CNTN3: variants seen among roughly 807,000 people sequenced by gnomAD.
The protein encoded by CNTN3 is contactin-3.
A neutral mutation model predicts 119.1 loss-of-function variants in CNTN3; 60 were observed. The ratio of observed to expected loss-of-function variants is 0.50; its 90% confidence interval spans 0.41 to 0.62. CNTN3 has a LOEUF of 0.62. CNTN3 is among the 20% of genes least tolerant of loss of function. The pLI is 0.00. For synonymous variants in CNTN3, 450 were observed against 438.7 expected, an observed-to-expected ratio of 1.03 and a Z score of -0.32; for missense variants, 1,101 against 1,242.4, an observed-to-expected ratio of 0.89 and a Z score of 1.71.
chr3:74,490,374 G>GA (rs1702940502), intron 3 of CNTN3, among the ~76,000 whole-genome samples: 3 of 152,096 alleles, frequency 2.0e-5, no homozygotes, highest in African/African-American at 4.8e-5. Flanking sequence ...GTTTTTATAG[G>GA]AAAAAACACT....
At chr3:74,291,950 C>A (rs1023636424) in intron 19 of CNTN3, among the ~76,000 whole-genome samples, 1 of 152,112 alleles carries the variant, frequency 6.6e-6, no homozygotes, top group Non-Finnish European at 1.5e-5. Context: ...CCCCAGGAGG[C>A]TTTGTAAGCT....
chr3:74,360,351 CA>C (rs1290940725), intron 11 of CNTN3, among the ~76,000 whole-genome samples: 1 of 152,112 alleles, frequency 6.6e-6, no homozygotes, highest in Admixed American at 6.6e-5. Context: ...GCTCCCTGTA[CA>C]AAATGTGGCA....
chr3:74,609,710 T>G (rs777686061), intron 1 of CNTN3, among the ~76,000 whole-genome samples: 11 of 152,204 alleles, frequency 7.2e-5, no homozygotes, highest in Non-Finnish European at 1.0e-4. Context: ...GATCTTTGGT[T>G]ACATATGGCA....
chr3:74,534,835 A>G (rs1374405944), intron 1 of CNTN3, among the ~76,000 whole-genome samples: 2 of 151,924 alleles, frequency 1.3e-5, no homozygotes, highest in African/African-American at 4.8e-5. Context: ...CATTGACCAT[A>G]ATGGCAAAAA....
chr3:74,581,467 T>C (rs1704508625), intron 1 of CNTN3, among the ~76,000 whole-genome samples: 2 of 152,158 alleles, frequency 1.3e-5, no homozygotes, highest in South Asian at 4.1e-4. Context: ...CTAAGATAAA[T>C]TAAAGATAAT....
intron 19 of CNTN3, among the ~76,000 whole-genome samples, chr3:74,285,794 T>TATAG: frequency 2.5e-5 from 1 of 39,730 alleles, no homozygotes; most frequent in East Asian, 5.3e-4. Context: ...AGGGGAGATA[T>TATAG]ATATATATAT....
At chr3:74,364,684 A>T in intron 9 of CNTN3, 88 bp from the exon 10 acceptor site, 1 of 1,176,280 alleles carries the variant, frequency 8.5e-7, no homozygotes, top group East Asian at 2.4e-5. Flanking sequence ...TCACACAGAA[A>T]CTTTCTGCAT....
At position 74,285,452 on chromosome 3, in the gene CNTN3, T is replaced by C; in HGVS notation, c.2557A>G (p.Ser853Gly). Residue 853 changes from serine (S) to glycine (G), a missense_variant, in exon 20 of 23, where the codon AGT becomes GGT. Coordinates refer to ENST00000263665, the MANE Select transcript of CNTN3 (RefSeq NM_020872.3). ...TCATTTCCTGCCACTTTCATCTTAC[T>C]GGATGATTCCTCCTTTCCACCCCCA... ...WNGGGKEESS[S>G]KMKVAGNETS... 3.1e-6 allele frequency: 5 copies of C among 1,612,782 alleles called. No individual in the cohort carries two copies. Among genetic ancestry groups the C allele is most frequent in the Non-Finnish European group, 4.2e-6 (5 of 1,179,352 alleles).
intron 20 of CNTN3, 150 bp downstream of exon 20, chr3:74,285,155 A>G: frequency 1.3e-6 from 1 of 747,292 alleles, no homozygotes; most frequent in Non-Finnish European, 2.1e-6. Context: ...AGGGTTTTGG[A>G]GTTGGGTTTT....
chr3:74,328,897 C>T (rs1409746194), intron 13 of CNTN3, among the ~76,000 whole-genome samples: 3 of 152,122 alleles, frequency 2.0e-5, no homozygotes, highest in Non-Finnish European at 1.5e-5. Flanking sequence ...GGTACATTCT[C>T]TTAATAGTTA....
At chr3:74,530,029 A>C (rs1403555622) in intron 1 of CNTN3, among the ~76,000 whole-genome samples, 4 of 152,042 alleles carry the variant, frequency 2.6e-5, no homozygotes, top group Admixed American at 2.6e-4. Context: ...TCCTCACCTC[A>C]TAATCATGGA....
rs1388853490 is a variant in CNTN3, at chr3:74,541,395, T to C, written c.-80-20203A>G. On this transcript the variant is annotated intron_variant, in intron 1 of 22. Transcript: ENST00000263665. Reference sequence around the variant, plus strand: ...ACTGTGGTAGATTCAGTCAATGGACTACCACATAGCAGAAAGAATCAATGA... The same window carrying C: ...ACTGTGGTAGATTCAGTCAATGGACCACCACATAGCAGAAAGAATCAATGA... Among the ~76,000 whole-genome samples, 5 of 32,684 alleles carry C rather than the reference T, an allele frequency of 1.5e-4. No individual in the cohort carries two copies. In the Admixed American group the frequency reaches 2.2e-3, roughly 15 times the overall value. 21.4% of individuals were successfully genotyped at this position (32,684 alleles called of 152,430 possible).
intron 2 of CNTN3, among the ~76,000 whole-genome samples, chr3:74,513,756 G>C (rs914054198): frequency 1.3e-5 from 2 of 152,078 alleles, no homozygotes; most frequent in Non-Finnish European, 2.9e-5. Flanking sequence ...TGTCCTTGTA[G>C]TTAAGAGGAA....
In CNTN3 at chr3:74,580,011, CAG is replaced by C. The variant is rs542904392; in HGVS notation, c.-81+34378_-81+34379del. Among the ~76,000 whole-genome samples the C allele has an allele frequency of 2.0e-4, 31 of 152,066 alleles. No homozygotes were observed. The East Asian group carries it at 5.8e-3, about 28-fold the overall frequency. ...CCAATACTGCTGAAAGGGAAAGGAACAGAGAGGGAGAATGCAAAATCCAAGTG... is the reference window on the plus strand; with the variant it reads ...CCAATACTGCTGAAAGGGAAAGGAACAGAGGGAGAATGCAAAATCCAAGTG... On this transcript the variant is annotated intron_variant, in intron 1 of 22. Transcript: ENST00000263665.
chr3:74,278,169 T>G (rs192241744), intron 20 of CNTN3, among the ~76,000 whole-genome samples: 3 of 152,138 alleles, frequency 2.0e-5, no homozygotes, highest in Admixed American at 2.0e-4. Context: ...AGAATTAATA[T>G]TGTGAAAATG....
Position 74,577,781 on chromosome 3 carries a change from T to A in CNTN3, c.-81+36610A>T, listed in dbSNP as rs140613342. The stretch of plus-strand genomic sequence containing the variant: ...AGCCAAAAGTTTTATCTTGAACTAA[T>A]GATAGATGTTACTGACAGAAATCCA... On this transcript the variant is annotated intron_variant, in intron 1 of 22. Coordinates refer to ENST00000263665, the MANE Select transcript of CNTN3 (RefSeq NM_020872.3). 1.2e-4 allele frequency among the ~76,000 whole-genome samples: 18 copies of A among 152,240 alleles called. 1 individual carries two copies. The highest frequency in any genetic ancestry group is 3.8e-4 in the African/African-American group (16 of 41,582).
At chr3:74,312,586 G>A (rs907553756) in intron 13 of CNTN3, among the ~76,000 whole-genome samples, 7 of 151,546 alleles carry the variant, frequency 4.6e-5, no homozygotes, top group South Asian at 2.1e-4. Context: ...CCTGTTCCAC[G>A]TAAGAAGGGA....
chr3:74,488,165 G>A (rs768049767), intron 3 of CNTN3, among the ~76,000 whole-genome samples: 13 of 152,006 alleles, frequency 8.6e-5, no homozygotes, highest in African/African-American at 2.7e-4. Flanking sequence ...AGGCTGGAGT[G>A]TAGGTGGTGC....
intron 1 of CNTN3, among the ~76,000 whole-genome samples, chr3:74,522,814 G>C (rs1029019122): frequency 2.6e-5 from 4 of 151,770 alleles, no homozygotes; most frequent in East Asian, 3.9e-4. Context: ...ATATATGCTA[G>C]CTATTAAAAG....
Sources: allele counts gnomAD v4.1 joint callset (sites outside exome capture counted in the v4.1 genomes callset), GRCh38; gene constraint gnomAD v4.1.1; transcripts MANE v1.5; gene names NCBI Gene and HGNC (gene_info 2026-07-23, HGNC 2026-07-21).